IRAK1BP1: variants seen among roughly 807,000 people sequenced by gnomAD.
IRAK1BP1 encodes the protein interleukin 1 receptor associated kinase 1 binding protein 1, also known as interleukin-1 receptor-associated kinase 1-binding protein 1.
Under a neutral mutation model 28.0 loss-of-function variants are expected in IRAK1BP1, and 24 were observed. That is an observed-to-expected ratio of 0.86 (90% CI 0.62 to 1.20). The LOEUF (loss-of-function observed/expected upper bound fraction) is 1.20. Among genes scored for constraint, IRAK1BP1 ranks in the 50% most tolerant of loss-of-function variants. The probability of loss-of-function intolerance (pLI) is 0.00; values close to 1 mark genes in which losing one functional copy is unlikely to be tolerated. For missense variants in IRAK1BP1, 336 were observed against 316.7 expected, an observed-to-expected ratio of 1.06 and a Z score of -0.46; for synonymous variants, 131 against 116.3, an observed-to-expected ratio of 1.13 and a Z score of -0.81.
chr6:78,958,556 T>C, the IRAK1BP1 span: 1 of 1,582,900 alleles, frequency 6.3e-7, no homozygotes, highest in Non-Finnish European at 8.7e-7. Context: ...TGTTCGTGTA[T>C]TATGCTCTAT....
intron 2 of IRAK1BP1, among the ~76,000 whole-genome samples, chr6:78,896,331 GAAA>G (rs35774009): frequency 3.2e-5 from 3 of 93,032 alleles, no homozygotes; most frequent in Admixed American, 1.1e-4. Context: ...AACCTAAATG[GAAA>G]AAAAAAAAAA....
At chr6:78,952,738 T>C in the IRAK1BP1 span, among the ~76,000 whole-genome samples, 1 of 152,190 alleles carries the variant, frequency 6.6e-6, no homozygotes, top group South Asian at 2.1e-4. Context: ...TTCTATTTAG[T>C]TGATTTTAAT....
At chr6:78,978,819 A>G in the IRAK1BP1 span, 2 of 872,524 alleles carry the variant, frequency 2.3e-6, no homozygotes, top group Non-Finnish European at 3.4e-6. Context: ...GGGGAAGGGC[A>G]CCATTGTACA....
chr6:78,970,956 C>G, the IRAK1BP1 span: 1 of 1,034,590 alleles, frequency 9.7e-7, no homozygotes, highest in Admixed American at 2.9e-5. Flanking sequence ...AGGGTATCAG[C>G]TGAAATTGCA....
intron 4 of IRAK1BP1, among the ~76,000 whole-genome samples, chr6:78,914,074 A>G (rs1772495200): frequency 6.6e-6 from 1 of 152,206 alleles, no homozygotes; most frequent in Non-Finnish European, 1.5e-5. Flanking sequence ...AATATAGATC[A>G]TTTTAACCAT....
At chr6:78,920,914 T>C (rs145047541) in intron 4 of IRAK1BP1, among the ~76,000 whole-genome samples, 1 of 152,308 alleles carries the variant, frequency 6.6e-6, no homozygotes, top group African/African-American at 2.4e-5. Flanking sequence ...ATGTAGAATC[T>C]ATAAGGAACC....
chr6:78,921,235 A>G (rs933652564), intron 4 of IRAK1BP1, among the ~76,000 whole-genome samples: 1 of 152,156 alleles, frequency 6.6e-6, no homozygotes, highest in Non-Finnish European at 1.5e-5. Context: ...CTAATACTGC[A>G]CTTTTCCAAC....
the IRAK1BP1 span, among the ~76,000 whole-genome samples, chr6:78,977,553 A>G: frequency 6.6e-6 from 1 of 150,912 alleles, no homozygotes; most frequent in Non-Finnish European, 1.5e-5. Context: ...AGTTGTCTGG[A>G]ACTTTAAATG....
chr6:78,923,458 A>G (rs1053605522), intron 4 of IRAK1BP1, among the ~76,000 whole-genome samples: 1 of 152,200 alleles, frequency 6.6e-6, no homozygotes, highest in Non-Finnish European at 1.5e-5. Flanking sequence ...TGACTCCCAC[A>G]CAATAATAAT....
the IRAK1BP1 span, among the ~76,000 whole-genome samples, chr6:78,960,610 TAAG>T: frequency 2.0e-4 from 31 of 152,246 alleles, no homozygotes; most frequent in East Asian, 4.2e-3. Context: ...CAAGTACACC[TAAG>T]AAGATCAGAA....
At chr6:78,915,332 T>A (rs183643903) in intron 4 of IRAK1BP1, among the ~76,000 whole-genome samples, 96 of 152,310 alleles carry the variant, frequency 6.3e-4, no homozygotes, top group Non-Finnish European at 7.3e-4. Context: ...GGCAATAGTG[T>A]AAGCAAAAAT....
chr6:78,963,688 A>G, the IRAK1BP1 span, among the ~76,000 whole-genome samples: 1 of 152,218 alleles, frequency 6.6e-6, no homozygotes, highest in Non-Finnish European at 1.5e-5. Flanking sequence ...GAGAATTATG[A>G]AAACTGACAA....
chr6:78,883,125 G>A (rs1771290042), intron 1 of IRAK1BP1, among the ~76,000 whole-genome samples: 2 of 152,050 alleles, frequency 1.3e-5, no homozygotes, highest in South Asian at 4.1e-4. Flanking sequence ...GGGCATGGTG[G>A]TATGTGCCTG....
chr6:78,946,231 G>C lies in IRAK1BP1; in HGVS notation c.*891G>C, dbSNP rs1480524658. The C allele has an allele frequency of 1.2e-6, 2 of 1,612,992 alleles. No homozygotes were observed. The highest frequency in any genetic ancestry group is 4.5e-5 in the East Asian group (2 of 44,858). ...GGTAGAGCTTTCTGATTTTAGCTGG[G>C]GTTTTAAGATCCTTTTTTTCCTTTC... On this transcript the variant is annotated 3_prime_UTR_variant and NMD_transcript_variant, in exon 5 of 5. Coordinates refer to the IRAK1BP1 transcript ENST00000606868.
At position 78,869,191 on chromosome 6, in the gene IRAK1BP1, CATAAA is replaced by C. The variant is rs573693078; in HGVS notation, c.315+1307_315+1311del. ...TGTTAACAAGTTTTTAAGTTATTTA[CATAAA>C]ATAAAAAGAGCTCACAGGTCTCTAA... On this transcript the variant is annotated intron_variant, in intron 1 of 3. Transcript: ENST00000369940. 8.5e-5 allele frequency among the ~76,000 whole-genome samples: 13 copies of C among 152,220 alleles called. 1 individual carries two copies. In the East Asian group the frequency reaches 2.5e-3, roughly 29 times the overall value.
chr6:78,958,671 A>G, the IRAK1BP1 span: 1 of 922,654 alleles, frequency 1.1e-6, no homozygotes, highest in Non-Finnish European at 1.7e-6. Flanking sequence ...TTTAAAACCA[A>G]GACATTCCAA....
intron 2 of IRAK1BP1, among the ~76,000 whole-genome samples, chr6:78,887,398 G>T (rs538817345): frequency 2.0e-4 from 31 of 152,206 alleles, no homozygotes; most frequent in African/African-American, 7.0e-4. Context: ...GGGCGCGATG[G>T]CTCTCACCTG....
chr6:78,902,827 G>T lies in IRAK1BP1; in HGVS notation c.*4493G>T. On this transcript the variant is annotated 3_prime_UTR_variant, in exon 4 of 4. Coordinates refer to ENST00000369940, the MANE Select transcript of IRAK1BP1 (RefSeq NM_001010844.4). ...ACATACATACATACATACATAAAAT[G>T]CCCAGTATCTTACAAGACTGTAGTT... is the stretch of plus-strand genomic sequence containing the variant. 1 of 563,986 alleles carries T rather than the reference G, an allele frequency of 1.8e-6. No individual in the cohort carries two copies. The highest frequency in any genetic ancestry group is 2.3e-5 in the South Asian group (1 of 43,210). 34.9% of individuals were successfully genotyped at this position (563,986 alleles called of 1,614,324 possible). A position where few individuals can be genotyped will look rare whatever the true frequency, so the allele number is the denominator to read the frequency against.
chr6:78,954,998 A>G, the IRAK1BP1 span: 2 of 1,439,724 alleles, frequency 1.4e-6, no homozygotes, highest in Admixed American at 2.5e-5. Flanking sequence ...TTAATAAAAG[A>G]GCACTTACAC....
Sources: gnomAD v4.1 joint callset for allele counts (sites outside exome capture counted in the v4.1 genomes callset) on GRCh38, gnomAD v4.1.1 for gene constraint, MANE v1.5 for transcripts, NCBI Gene and HGNC (gene_info 2026-07-23, HGNC 2026-07-21) for gene names.